The following TMOD1 variants were observed in gnomAD, a reference collection of about 807,000 sequenced individuals.
TMOD1 encodes tropomodulin 1.
A neutral mutation model predicts 40.6 loss-of-function variants in TMOD1; 17 were observed. The observed-to-expected ratio is 0.42, with a 90% CI of 0.29 to 0.63. The LOEUF is 0.63. TMOD1 is among the 20% of genes least tolerant of loss of function. The pLI, the probability that TMOD1 is intolerant of heterozygous loss-of-function variation, is 0.22. For missense variants in TMOD1, 391 were observed against 447.6 expected (o/e 0.87, Z 1.14); for synonymous variants, 181 against 175.0 (o/e 1.03, Z -0.27).
At chr9:97,567,969 AC>A (rs1370753157) in intron 7 of TMOD1, among the ~76,000 whole-genome samples, 3 of 152,046 alleles carry the variant, frequency 2.0e-5, no homozygotes, top group Non-Finnish European at 4.4e-5. Context: ...GTTTCCACCA[AC>A]TGCTAATTAT....
At chr9:97,515,765 A>G (rs1829795516) in intron 1 of TMOD1, among the ~76,000 whole-genome samples, 1 of 152,074 alleles carries the variant, frequency 6.6e-6, no homozygotes, top group Admixed American at 6.5e-5. Flanking sequence ...ATGGTTTGGA[A>G]TCAAGACATT....
chr9:97,556,895 G>T (rs896143839), intron 4 of TMOD1, among the ~76,000 whole-genome samples: 23 of 152,278 alleles, frequency 1.5e-4, no homozygotes, highest in African/African-American at 5.3e-4. Flanking sequence ...GGGCTGGGGA[G>T]GGCAGGCCCC....
intron 8 of TMOD1, among the ~76,000 whole-genome samples, chr9:97,570,866 G>A (rs1830807096): frequency 6.6e-6 from 1 of 152,254 alleles, no homozygotes; most frequent in African/African-American, 2.4e-5. Flanking sequence ...TTCACCCAGA[G>A]AGGGCACTTT....
At chr9:97,589,112 T>C (rs569481494) in intron 8 of TMOD1, among the ~76,000 whole-genome samples, 1 of 134,634 alleles carries the variant, frequency 7.4e-6, no homozygotes, top group African/African-American at 2.9e-5. Context: ...AGTGAGACTC[T>C]GTCTCAAAAA....
intron 3 of TMOD1, among the ~76,000 whole-genome samples, chr9:97,550,029 T>C (rs1206142765): frequency 6.6e-6 from 1 of 152,184 alleles, no homozygotes; most frequent in Non-Finnish European, 1.5e-5. Context: ...ACCCTGTACC[T>C]ATTACAGTTA....
At chr9:97,515,810 T>A (rs1161827212) in intron 1 of TMOD1, among the ~76,000 whole-genome samples, 1 of 151,996 alleles carries the variant, frequency 6.6e-6, no homozygotes, top group African/African-American at 2.4e-5. Flanking sequence ...TCAGTTCAGC[T>A]CTCTCCCTCT....
rs555151048 is a variant in TMOD1 at position 97,510,523 on chromosome 9, A to G, written c.-49+8720A>G. The stretch of plus-strand genomic sequence containing the variant: ...TGGGATTACAGGCCTGAGCCACCAC[A>G]CCCGGTCTACAGGTTAGCTTTTATT... On this transcript the variant is annotated intron_variant, in intron 1 of 9. Coordinates refer to ENST00000259365, the MANE Select transcript of TMOD1 (RefSeq NM_003275.4). Among the ~76,000 whole-genome samples, 26 of 152,212 alleles carry G rather than the reference A, an allele frequency of 1.7e-4. 1 individual carries two copies. The South Asian group carries it at 5.2e-3, about 30-fold the overall frequency.
intron 1 of TMOD1, among the ~76,000 whole-genome samples, 180 bp downstream of exon 1, chr9:97,501,983 C>T (rs908357312): frequency 1.3e-5 from 2 of 152,126 alleles, no homozygotes; most frequent in African/African-American, 4.8e-5. Context: ...CTAGGGAGCC[C>T]GGGTCTCGGG....
chr9:97,552,356 A>T (rs895604057), intron 3 of TMOD1, among the ~76,000 whole-genome samples: 3 of 152,042 alleles, frequency 2.0e-5, no homozygotes, highest in Non-Finnish European at 2.9e-5. Flanking sequence ...ACAGCGGTGC[A>T]CACCCCACCC....
At chr9:97,586,317 G>C (rs957826405) in intron 8 of TMOD1, among the ~76,000 whole-genome samples, 6 of 152,134 alleles carry the variant, frequency 3.9e-5, no homozygotes, top group African/African-American at 7.2e-5. Flanking sequence ...TAGGCTGCCC[G>C]GGGGTCAGGG....
chr9:97,584,659 G>C (rs1825829654), intron 8 of TMOD1, among the ~76,000 whole-genome samples: 1 of 152,142 alleles, frequency 6.6e-6, no homozygotes, highest in Non-Finnish European at 1.5e-5. Context: ...GGTCACTCAG[G>C]ACTTGCTTTA....
chr9:97,585,960 G>T (rs1170582697), intron 8 of TMOD1, among the ~76,000 whole-genome samples: 2 of 148,736 alleles, frequency 1.3e-5, no homozygotes, highest in East Asian at 3.9e-4. Flanking sequence ...ATGTCCTCCC[G>T]TAGCTCAGAG....
chr9:97,524,380 T>C, intron 2 of TMOD1, 72 bp downstream of exon 2: 1 of 1,534,806 alleles, frequency 6.5e-7, no homozygotes, highest in South Asian at 1.2e-5. Flanking sequence ...GGATGCTTCC[T>C]AAAGCCACCA....
At chr9:97,589,078 C>G (rs1036937461) in intron 8 of TMOD1, among the ~76,000 whole-genome samples, 1 of 142,150 alleles carries the variant, frequency 7.0e-6, no homozygotes, top group African/African-American at 2.6e-5. Flanking sequence ...GATTGCACCA[C>G]TGCACTCCAG....
intron 8 of TMOD1, among the ~76,000 whole-genome samples, chr9:97,588,417 C>T (rs1050775706): frequency 2.0e-5 from 3 of 152,106 alleles, no homozygotes; most frequent in African/African-American, 4.8e-5. Flanking sequence ...AAATCCTTTG[C>T]TCATTTATAA....
Position 97,564,141 on chromosome 9 carries a change from T to G in TMOD1, c.591T>G (p.Leu197=), listed in dbSNP as rs1830689269. The change falls in exon 6 of 10, where the codon CTT becomes CTG. Residue 197 remains leucine (L), a synonymous_variant. Coordinates refer to ENST00000259365, the MANE Select transcript of TMOD1 (RefSeq NM_003275.4). ...LERIKNNDPK[L]EEVNLNNIRN... is the part of the protein sequence containing the mutation. ...GGATAAAGAACAACGACCCAAAACTTGAAGAAGTTAACCTCAATAATATCC... is the reference window on the plus strand; with the variant it reads ...GGATAAAGAACAACGACCCAAAACTGGAAGAAGTTAACCTCAATAATATCC... The G allele has an allele frequency of 6.2e-7, 1 of 1,610,884 alleles. No individual in the cohort carries two copies. The highest frequency in any genetic ancestry group is 8.5e-7 in the Non-Finnish European group (1 of 1,178,332).
At chr9:97,597,355 C>T (rs909175800) in intron 9 of TMOD1, among the ~76,000 whole-genome samples, 3 of 152,152 alleles carry the variant, frequency 2.0e-5, no homozygotes, top group African/African-American at 7.2e-5. Flanking sequence ...AAAAATAATA[C>T]CTGAATAAAT....
chr9:97,564,761 G>A (rs1232159724), intron 6 of TMOD1, among the ~76,000 whole-genome samples: 2 of 152,094 alleles, frequency 1.3e-5, no homozygotes, highest in Non-Finnish European at 1.5e-5. Flanking sequence ...TGGACAGGCA[G>A]TCTCACCCTG....
At chr9:97,528,507 A>G (rs117806029) in intron 2 of TMOD1, among the ~76,000 whole-genome samples, 5 of 152,312 alleles carry the variant, frequency 3.3e-5, no homozygotes, top group East Asian at 3.9e-4. Flanking sequence ...CAGCCACACA[A>G]TTGATCCCTT....
Sources: allele counts gnomAD v4.1 joint callset (sites outside exome capture counted in the v4.1 genomes callset), GRCh38; gene constraint gnomAD v4.1.1; transcripts MANE v1.5; gene names NCBI Gene and HGNC (gene_info 2026-07-23, HGNC 2026-07-21).